CHODL: variants seen among roughly 807,000 people sequenced by gnomAD.
The protein encoded by CHODL is transmembrane protein MT75.
A neutral mutation model predicts 34.5 loss-of-function variants in CHODL; 29 were observed. That is an observed-to-expected ratio of 0.84 (90% CI 0.63 to 1.15). The LOEUF (loss-of-function observed/expected upper bound fraction) is 1.15. Among genes scored for constraint, CHODL ranks in the 50% most tolerant of loss-of-function variants. The pLI, the probability that CHODL is intolerant of heterozygous loss-of-function variation, is 0.00. For synonymous variants in CHODL, 125 were observed against 116.1 expected, an observed-to-expected ratio of 1.08 and a Z score of -0.49; for missense variants, 332 against 332.5, an observed-to-expected ratio of 1.00 and a Z score of 0.01.
At chr21:17,928,879 A>G (rs2063248748) in intron 1 of CHODL, among the ~76,000 whole-genome samples, 1 of 152,236 alleles carries the variant, frequency 6.6e-6, no homozygotes, top group South Asian at 2.1e-4. Context: ...TTAGGCTTAG[A>G]AATAATAAAT....
At chr21:18,118,574 A>G (rs746171377) in intron 2 of CHODL, among the ~76,000 whole-genome samples, 1 of 152,208 alleles carries the variant, frequency 6.6e-6, no homozygotes, top group Non-Finnish European at 1.5e-5. Context: ...ATGTTAACAA[A>G]TGCATCTTAA....
chr21:18,141,246 A>C (rs2072798405), intron 2 of CHODL, among the ~76,000 whole-genome samples: 1 of 152,136 alleles, frequency 6.6e-6, no homozygotes, highest in Non-Finnish European at 1.5e-5. Context: ...ATATGCAGGA[A>C]GTTTGCATGA....
chr21:18,200,585 T>A (rs2146707625), intron 2 of CHODL, among the ~76,000 whole-genome samples: 1 of 152,318 alleles, frequency 6.6e-6, no homozygotes, highest in African/African-American at 2.4e-5. Context: ...ATACATTTGA[T>A]ACATTTCACA....
At chr21:18,126,644 CAA>C (rs1483030359) in intron 2 of CHODL, among the ~76,000 whole-genome samples, 1 of 151,550 alleles carries the variant, frequency 6.6e-6, no homozygotes, top group Non-Finnish European at 1.5e-5. Context: ...TTATCACACA[CAA>C]TGATATATTA....
At chr21:18,061,170 T>C (rs1202434995) in intron 2 of CHODL, among the ~76,000 whole-genome samples, 1 of 152,172 alleles carries the variant, frequency 6.6e-6, no homozygotes, top group African/African-American at 2.4e-5. Context: ...AGGTAGATAC[T>C]AACACTATGC....
At chr21:18,147,438 G>A (rs9982185) in intron 2 of CHODL, among the ~76,000 whole-genome samples, 8,046 of 152,248 alleles carry the variant, frequency 0.053, 572 homozygotes, top group African/African-American at 0.17. Context: ...CTGTCAAACA[G>A]CTGCCTAAAA....
intron 2 of CHODL, among the ~76,000 whole-genome samples, chr21:18,038,155 G>T (rs1357412970): frequency 3.3e-5 from 5 of 151,398 alleles, no homozygotes; most frequent in Admixed American, 6.6e-5. Context: ...CTTCTCTTTA[G>T]TACTAAATGT....
intron 2 of CHODL, among the ~76,000 whole-genome samples, chr21:18,105,138 T>A (rs897278543): frequency 6.6e-6 from 1 of 152,222 alleles, no homozygotes; most frequent in African/African-American, 2.4e-5. Flanking sequence ...GCTTAAATAG[T>A]CATGGCTATT....
chr21:18,181,669 C>T lies in CHODL; in HGVS notation c.-44-74840C>T, dbSNP rs183542777. ...CTTCCCAAAGTGCTAGGATTACAGG[C>T]GTGAGCCACCGCGCCCAGCCAAGAA... On this transcript the variant is annotated intron_variant, in intron 2 of 6. Transcript: ENST00000400127. Among the ~76,000 whole-genome samples the T allele has an allele frequency of 3.3e-5, 5 of 152,306 alleles. 1 individual carries two copies. The East Asian group carries it at 5.8e-4, about 18-fold the overall frequency.
At chr21:17,942,291 T>C (rs2063371224) in intron 1 of CHODL, among the ~76,000 whole-genome samples, 1 of 152,134 alleles carries the variant, frequency 6.6e-6, no homozygotes, top group Admixed American at 6.5e-5. Context: ...TCCCACATGT[T>C]GTGGGAGGGA....
At position 18,035,918 on chromosome 21, in the gene CHODL, T is replaced by C. The variant is rs565612730; in HGVS notation, c.-45+7947T>C. ...GCATCTGTGTCATTTTTGATCTGTTTCTATTGATTGATTTCTTTCTCTTCA... is the reference window on the plus strand; with the variant it reads ...GCATCTGTGTCATTTTTGATCTGTTCCTATTGATTGATTTCTTTCTCTTCA... On this transcript the variant is annotated intron_variant, in intron 2 of 6. Coordinates refer to the CHODL transcript ENST00000400127. Among the ~76,000 whole-genome samples the C allele has an allele frequency of 2.0e-5, 3 of 152,152 alleles. No homozygotes were observed. The South Asian group carries it at 6.2e-4, about 32-fold the overall frequency.
intron 2 of CHODL, among the ~76,000 whole-genome samples, chr21:18,043,251 G>C (rs1298680862): frequency 1.3e-5 from 2 of 151,994 alleles, no homozygotes; most frequent in Non-Finnish European, 1.5e-5. Context: ...CCAACACACA[G>C]AAGGAACCCA....
At chr21:18,186,282 G>A (rs778700680) in intron 2 of CHODL, among the ~76,000 whole-genome samples, 10 of 151,964 alleles carry the variant, frequency 6.6e-5, no homozygotes, top group Non-Finnish European at 8.8e-5. Flanking sequence ...TGAAGTGACC[G>A]CTGAGACCAG....
At chr21:18,070,225 G>GA (rs71189580) in intron 2 of CHODL, among the ~76,000 whole-genome samples, 7 of 150,684 alleles carry the variant, frequency 4.6e-5, no homozygotes, top group Admixed American at 6.6e-5. Context: ...GAAACCTATG[G>GA]AAAAAAAACT....
chr21:18,256,600 A>C lies in CHODL; in HGVS notation c.171A>C (p.Ala57=), dbSNP rs1335724039. 6.2e-7 allele frequency: 1 copy of C among 1,613,986 alleles called. No homozygotes were observed. Among genetic ancestry groups the C allele is most frequent in the Admixed American group, 1.7e-5 (1 of 59,974 alleles). ...CCAGCCGAGTGAGCTTTCAGGAGGC[A>C]CGCCTGGCTTGTGAGAGTGAGGGAG... ...ELSSRVSFQE[A]RLACESEGGV... Residue 57 remains alanine (A), a synonymous_variant, in exon 2 of 6, where the codon GCA becomes GCC. Transcript: ENST00000299295.
chr21:18,154,089 G>A (rs1394669496), intron 2 of CHODL, among the ~76,000 whole-genome samples: 1 of 152,142 alleles, frequency 6.6e-6, no homozygotes, highest in African/African-American at 2.4e-5. Flanking sequence ...ACTAGAAAAT[G>A]TAATTTAGCT....
chr21:17,991,091 A>G (rs763825945), intron 1 of CHODL, among the ~76,000 whole-genome samples: 15 of 152,258 alleles, frequency 9.9e-5, no homozygotes, highest in African/African-American at 3.4e-4. Context: ...TTCATTTAAC[A>G]TAATGACCCC....
intron 1 of CHODL, among the ~76,000 whole-genome samples, chr21:17,945,038 G>A (rs1470317731): frequency 1.4e-5 from 2 of 146,582 alleles, no homozygotes; most frequent in Non-Finnish European, 3.0e-5. Context: ...GTGAAACCCC[G>A]TCTCTACTAA....
At chr21:18,146,937 G>T (rs1168999437) in intron 2 of CHODL, among the ~76,000 whole-genome samples, 2 of 152,130 alleles carry the variant, frequency 1.3e-5, no homozygotes, top group African/African-American at 4.8e-5. Flanking sequence ...TTGCTACTGT[G>T]TTGAGATCTT....
Sources: gnomAD v4.1 joint callset for allele counts (sites outside exome capture counted in the v4.1 genomes callset) on GRCh38, gnomAD v4.1.1 for gene constraint, MANE v1.5 for transcripts, NCBI Gene and HGNC (gene_info 2026-07-23, HGNC 2026-07-21) for gene names.